Variants in PCDH9 observed in about 807,000 individuals in gnomAD.
PCDH9 encodes the protein protocadherin 9, also known as protocadherin-9.
In PCDH9, 24 loss-of-function variants were observed where a neutral mutation model predicts 70.6. The observed-to-expected ratio is 0.34, with a 90% CI of 0.25 to 0.48. The LOEUF is 0.48. PCDH9 is among the 20% of genes least tolerant of loss of function. The pLI is 0.99. For synonymous variants in PCDH9, 562 were observed against 558.5 expected, an observed-to-expected ratio of 1.01 and a Z score of -0.09; for missense variants, 1,281 against 1,503.6, an observed-to-expected ratio of 0.85 and a Z score of 2.45.
At chr13:66,838,070 C>A (rs897630162) in intron 3 of PCDH9, among the ~76,000 whole-genome samples, 3 of 152,046 alleles carry the variant, frequency 2.0e-5, no homozygotes, top group Non-Finnish European at 4.4e-5. Flanking sequence ...ATCAAATTTT[C>A]CAGTTTTGTA....
At chr13:66,705,582 TTA>T (rs1342484151) in intron 3 of PCDH9, among the ~76,000 whole-genome samples, 2 of 152,168 alleles carry the variant, frequency 1.3e-5, no homozygotes, top group African/African-American at 2.4e-5. Context: ...ATAAATAAAT[TTA>T]TGTTTCACAT....
intron 4 of PCDH9, among the ~76,000 whole-genome samples, chr13:66,586,486 G>A (rs995164195): frequency 6.6e-6 from 1 of 152,042 alleles, no homozygotes; most frequent in Non-Finnish European, 1.5e-5. Context: ...GGGCTCAGCT[G>A]TTATGGCTAG....
chr13:66,540,271 A>T (rs1960897470), intron 4 of PCDH9, among the ~76,000 whole-genome samples: 1 of 152,148 alleles, frequency 6.6e-6, no homozygotes, highest in African/African-American at 2.4e-5. Flanking sequence ...GTTTATACAC[A>T]TTTACATATT....
intron 3 of PCDH9, among the ~76,000 whole-genome samples, chr13:66,874,722 A>C (rs181761325): frequency 1.3e-5 from 2 of 152,290 alleles, no homozygotes; most frequent in Admixed American, 1.3e-4. Flanking sequence ...GGCCTGAAAC[A>C]GTACATAATT....
At chr13:66,942,343 CAG>C (rs1036068624) in intron 2 of PCDH9, among the ~76,000 whole-genome samples, 2 of 151,244 alleles carry the variant, frequency 1.3e-5, no homozygotes, top group African/African-American at 4.8e-5. Flanking sequence ...AGAAAAACAA[CAG>C]AAAAAAATTG....
intron 4 of PCDH9, among the ~76,000 whole-genome samples, chr13:66,454,253 C>G (rs1278581079): frequency 1.3e-5 from 2 of 151,852 alleles, no homozygotes; most frequent in African/African-American, 4.8e-5. Context: ...ACATTTATAT[C>G]TGAGCAAAGA....
At chr13:67,110,064 C>G (rs2086624529) in intron 2 of PCDH9, among the ~76,000 whole-genome samples, 1 of 151,944 alleles carries the variant, frequency 6.6e-6, no homozygotes, top group Non-Finnish European at 1.5e-5. Flanking sequence ...TTTGCACATG[C>G]AAATGGAAGA....
intron 2 of PCDH9, among the ~76,000 whole-genome samples, chr13:67,143,438 T>G (rs1303601042): frequency 6.6e-6 from 1 of 152,190 alleles, no homozygotes; most frequent in Non-Finnish European, 1.5e-5. Context: ...CACAATGACT[T>G]CAAAATGCAG....
chr13:66,544,317 C>T (rs1243738039), intron 4 of PCDH9, among the ~76,000 whole-genome samples: 1 of 152,100 alleles, frequency 6.6e-6, no homozygotes, highest in Non-Finnish European at 1.5e-5. Context: ...TAAGGACATG[C>T]CTGACTCTTA....
Position 66,670,594 on chromosome 13 carries a change from A to C in PCDH9, c.3139-39183T>G, listed in dbSNP as rs370426408. Among the ~76,000 whole-genome samples the C allele has an allele frequency of 3.3e-5, 5 of 152,262 alleles. No homozygotes were observed. In the East Asian group the frequency reaches 5.8e-4, roughly 18 times the overall value. ...TTATACCTTACAGCAGATGATTGGT[A>C]CTCAGTTAAATGAGAAGAGGAAGGG... On this transcript the variant is annotated intron_variant, in intron 3 of 4. Coordinates refer to ENST00000377865, the MANE Select transcript of PCDH9 (RefSeq NM_203487.3).
intron 4 of PCDH9, among the ~76,000 whole-genome samples, chr13:66,365,959 T>C (rs1956547369): frequency 6.6e-6 from 1 of 152,052 alleles, no homozygotes; most frequent in Non-Finnish European, 1.5e-5. Context: ...TATAATTATA[T>C]AGGCATAATG....
chr13:66,928,953 A>T (rs2082760514), intron 2 of PCDH9, among the ~76,000 whole-genome samples: 1 of 152,152 alleles, frequency 6.6e-6, no homozygotes, highest in South Asian at 2.1e-4. Flanking sequence ...ACAGTTATTT[A>T]AAAAATCTCT....
At chr13:66,374,729 G>A (rs1368237731) in intron 4 of PCDH9, among the ~76,000 whole-genome samples, 1 of 151,976 alleles carries the variant, frequency 6.6e-6, no homozygotes, top group African/African-American at 2.4e-5. Context: ...TGGATTATCA[G>A]AAAGATCGCA....
At chr13:66,385,004 C>T (rs1956906368) in intron 4 of PCDH9, among the ~76,000 whole-genome samples, 1 of 152,084 alleles carries the variant, frequency 6.6e-6, no homozygotes, top group Non-Finnish European at 1.5e-5. Flanking sequence ...TTCCACATCT[C>T]TCATTTCTTC....
chr13:66,471,746 T>C (rs903388483), intron 4 of PCDH9, among the ~76,000 whole-genome samples: 4 of 152,154 alleles, frequency 2.6e-5, no homozygotes, highest in Non-Finnish European at 4.4e-5. Flanking sequence ...GAGTTATAAT[T>C]TGAACTCTGG....
At chr13:66,394,047 T>C (rs1957063897) in intron 4 of PCDH9, among the ~76,000 whole-genome samples, 1 of 152,204 alleles carries the variant, frequency 6.6e-6, no homozygotes, top group Non-Finnish European at 1.5e-5. Context: ...TTTCATTTTT[T>C]ATTTGGTAGA....
intron 3 of PCDH9, among the ~76,000 whole-genome samples, chr13:66,708,512 T>G: frequency 6.6e-6 from 1 of 151,500 alleles, no homozygotes; most frequent in East Asian, 2.0e-4. Context: ...TAGTCTTACA[T>G]TCAGGAAAAT....
At chr13:66,831,187 G>A (rs1284291957) in intron 3 of PCDH9, among the ~76,000 whole-genome samples, 1 of 152,110 alleles carries the variant, frequency 6.6e-6, no homozygotes, top group Non-Finnish European at 1.5e-5. Context: ...CTGATCTTTG[G>A]TGCATACTAA....
Position 66,515,616 on chromosome 13 carries a change from ATC to A in PCDH9, c.3340+115592_3340+115593del, listed in dbSNP as rs138345376. The stretch of plus-strand genomic sequence containing the variant: ...GAAGCAAATACAGTAAAATGTTAAT[ATC>A]TGCTAGGTCCATGTAGTATGCACAT... On this transcript the variant is annotated intron_variant, in intron 4 of 4. Coordinates refer to ENST00000377865, the MANE Select transcript of PCDH9 (RefSeq NM_203487.3). Among the ~76,000 whole-genome samples the A allele has an allele frequency of 3.2e-3, 487 of 152,138 alleles. 3 individuals are homozygous for A. The highest frequency in any genetic ancestry group is 7.7e-3 in the South Asian group (37 of 4,826).
Sources: allele counts gnomAD v4.1 joint callset (sites outside exome capture counted in the v4.1 genomes callset), GRCh38; gene constraint gnomAD v4.1.1; transcripts MANE v1.5; gene names NCBI Gene and HGNC (gene_info 2026-07-23, HGNC 2026-07-21).